PDE1A: variants seen among roughly 807,000 people sequenced by gnomAD.
The protein encoded by PDE1A is phosphodiesterase 1A.
In PDE1A, 35 loss-of-function variants were observed where a neutral mutation model predicts 61.7. The observed-to-expected ratio is 0.57, with a 90% CI of 0.43 to 0.75. The LOEUF (loss-of-function observed/expected upper bound fraction) is 0.75, where lower values mean the gene tolerates loss of function less well. PDE1A is among the 30% of genes least tolerant of loss of function. The pLI is 0.00. For missense variants in PDE1A, 597 were observed against 630.6 expected, an observed-to-expected ratio of 0.95 and a Z score of 0.57; for synonymous variants, 232 against 213.2, an observed-to-expected ratio of 1.09 and a Z score of -0.77.
At chr2:182,619,421 G>GC in the PDE1A span, among the ~76,000 whole-genome samples, 1 of 152,142 alleles carries the variant, frequency 6.6e-6, no homozygotes, top group African/African-American at 2.4e-5. Context: ...GGGCTGTGCA[G>GC]CCAGTCATGC....
chr2:182,593,203 C>T, the PDE1A span, among the ~76,000 whole-genome samples: 1 of 152,286 alleles, frequency 6.6e-6, no homozygotes, highest in Non-Finnish European at 1.5e-5. Context: ...CATTACTGTA[C>T]TTGCAGTGTC....
chr2:182,177,260 G>A (rs1388781717), intron 13 of PDE1A, among the ~76,000 whole-genome samples: 3 of 152,144 alleles, frequency 2.0e-5, no homozygotes, highest in Admixed American at 6.6e-5. Flanking sequence ...CGGAAGGAAT[G>A]GCACCAGTTT....
At chr2:182,601,067 T>C in the PDE1A span, among the ~76,000 whole-genome samples, 23,592 of 152,210 alleles carry the variant, frequency 0.15, 2,107 homozygotes, top group Middle Eastern at 0.24. Flanking sequence ...GCTGGTGGTG[T>C]GTTTGCCCAC....
intron 2 of PDE1A, among the ~76,000 whole-genome samples, chr2:182,263,327 CT>C (rs1032865193): frequency 3.5e-4 from 53 of 152,220 alleles, no homozygotes; most frequent in African/African-American, 1.3e-3. Flanking sequence ...TCAGAGACAA[CT>C]TGCTAACACC....
At chr2:182,448,700 C>T (rs915354853) in intron 2 of PDE1A, among the ~76,000 whole-genome samples, 15 of 152,160 alleles carry the variant, frequency 9.9e-5, no homozygotes, top group African/African-American at 3.6e-4. Flanking sequence ...CAGCAGAGTT[C>T]CAAATTGGTT....
chr2:182,304,483 G>C (rs1198938266), intron 1 of PDE1A, among the ~76,000 whole-genome samples: 1 of 152,098 alleles, frequency 6.6e-6, no homozygotes, highest in Non-Finnish European at 1.5e-5. Flanking sequence ...CTAATTGTTT[G>C]GCATAAGAGA....
chr2:182,503,040 T>TACACACACACACACACAC, intron 2 of PDE1A, among the ~76,000 whole-genome samples: 1 of 97,014 alleles, frequency 1.0e-5, no homozygotes, highest in Admixed American at 1.3e-4. Flanking sequence ...CATTCTTTCT[T>TACACACACACACACACAC]ACACACACAC....
At chr2:182,518,468 A>G (rs1013468215) in intron 2 of PDE1A, among the ~76,000 whole-genome samples, 2 of 152,206 alleles carry the variant, frequency 1.3e-5, no homozygotes, top group Non-Finnish European at 2.9e-5. Flanking sequence ...AAAGACAACG[A>G]AGCTTAACTT....
chr2:182,191,651 C>G (rs2125422290), intron 10 of PDE1A, among the ~76,000 whole-genome samples: 1 of 151,194 alleles, frequency 6.6e-6, no homozygotes, highest in East Asian at 2.0e-4. Context: ...TTTGCACCAC[C>G]CTAAATATTA....
At chr2:182,184,186 C>T (rs994736007) in intron 13 of PDE1A, among the ~76,000 whole-genome samples, 3 of 151,132 alleles carry the variant, frequency 2.0e-5, no homozygotes, top group Non-Finnish European at 3.0e-5. Flanking sequence ...AACAAAATGA[C>T]AGAAAGCTTT....
At chr2:182,386,398 A>T (rs1413309807) in intron 1 of PDE1A, among the ~76,000 whole-genome samples, 1 of 150,800 alleles carries the variant, frequency 6.6e-6, no homozygotes, top group Non-Finnish European at 1.5e-5. Context: ...CTAAGAAGTG[A>T]GGAGTGTCTC....
At chr2:182,367,801 C>T (rs1257010849) in intron 1 of PDE1A, among the ~76,000 whole-genome samples, 1 of 151,954 alleles carries the variant, frequency 6.6e-6, no homozygotes, top group Admixed American at 6.6e-5. Context: ...TAAACATTAA[C>T]CTGGAAATAT....
rs1701007966 is a variant in PDE1A at position 182,385,692 on chromosome 2, A to AAAGC, written c.53+40885_53+40886insGCTT. Among the ~76,000 whole-genome samples, 2 of 147,544 alleles carry AAAGC rather than the reference A, an allele frequency of 1.4e-5. 1 individual carries two copies. The highest frequency in any genetic ancestry group is 5.3e-5 in the African/African-American group (2 of 38,042). Reference sequence around the variant, plus strand: ...AAAGAAAGAAAAGAAAGAAAGAAAGAAAAAAGAAAGAGCTCTCCCTCTCCC... The same window carrying AAAGC: ...AAAGAAAGAAAAGAAAGAAAGAAAGAAAGCAAAAAGAAAGAGCTCTCCCTCTCCC... On this transcript the variant is annotated intron_variant, in intron 1 of 13. Coordinates refer to ENST00000351439, the Ensembl canonical transcript of PDE1A.
Position 182,213,087 on chromosome 2 carries a change from C to T in PDE1A, c.777-7022G>A, listed in dbSNP as rs1156988693. Among the ~76,000 whole-genome samples the T allele has an allele frequency of 1.6e-4, 24 of 150,520 alleles. 1 individual carries two copies. Among genetic ancestry groups the T allele is most frequent in the Non-Finnish European group, 2.8e-4 (19 of 67,590 alleles). On this transcript the variant is annotated intron_variant, in intron 7 of 13. Coordinates refer to ENST00000351439, the Ensembl canonical transcript of PDE1A. ...GGAGATCTGAGAACGGGCAGACTGC[C>T]TCCTCAAGTGGGTCCCTGACCCCTG...
At chr2:182,298,271 G>A (rs1336797947) in intron 1 of PDE1A, among the ~76,000 whole-genome samples, 5 of 152,148 alleles carry the variant, frequency 3.3e-5, no homozygotes, top group Non-Finnish European at 5.9e-5. Flanking sequence ...CCATTGCAGC[G>A]CTTAAAGCAA....
downstream of PDE1A, among the ~76,000 whole-genome samples, chr2:182,146,013 C>T (rs1482110906): frequency 6.6e-6 from 1 of 152,190 alleles, no homozygotes; most frequent in Non-Finnish European, 1.5e-5. Flanking sequence ...ACCCACCACC[C>T]CCATAACAGG....
At chr2:182,547,619 T>G in the PDE1A span, among the ~76,000 whole-genome samples, 1 of 152,174 alleles carries the variant, frequency 6.6e-6, no homozygotes, top group Non-Finnish European at 1.5e-5. Context: ...GCATAGGAAG[T>G]GTACATAGGC....
chr2:182,148,465 T>C (rs1690612475), intron 13 of PDE1A, among the ~76,000 whole-genome samples: 1 of 152,208 alleles, frequency 6.6e-6, no homozygotes, highest in Non-Finnish European at 1.5e-5. Context: ...GTGAGCACAG[T>C]CATGGGCTCT....
rs192211168 is a variant in PDE1A at position 182,153,579 on chromosome 2, G to A, written c.1517-6427C>T. On this transcript the variant is annotated intron_variant, in intron 13 of 13. Transcript: ENST00000409365. The stretch of plus-strand genomic sequence containing the variant: ...CGCAGATCTTCTTAAAAGAAAGCAG[G>A]CTCTGAGAGCAGGGAGATGATAAGA... 1.0e-3 allele frequency among the ~76,000 whole-genome samples: 159 copies of A among 152,330 alleles called. 3 individuals carry two copies. The highest frequency in any genetic ancestry group is 3.7e-3 in the African/African-American group (152 of 41,578).
Sources: allele counts gnomAD v4.1 joint callset (sites outside exome capture counted in the v4.1 genomes callset), GRCh38; gene constraint gnomAD v4.1.1; transcripts MANE v1.5; gene names NCBI Gene and HGNC (gene_info 2026-07-23, HGNC 2026-07-21).